Variants in SLCO5A1 observed in about 807,000 individuals in gnomAD.
SLCO5A1 encodes the protein solute carrier organic anion transporter family member 5A1, also known as organic anion transporter polypeptide-related protein 4.
In SLCO5A1, 39 loss-of-function variants were observed where a neutral mutation model predicts 65.1. That is an observed-to-expected ratio of 0.60 (90% CI 0.46 to 0.78). The LOEUF is 0.78. Ranked by LOEUF, SLCO5A1 falls within the 30% of genes least tolerant of loss-of-function variation. The pLI, the probability that SLCO5A1 is intolerant of heterozygous loss-of-function variation, is 0.00. For synonymous variants in SLCO5A1, 438 were observed against 415.7 expected (o/e 1.05, Z -0.65); for missense variants, 1,029 against 1,069.4 (o/e 0.96, Z 0.53).
chr8:69,695,918 G>A (rs1460151942), intron 6 of SLCO5A1, among the ~76,000 whole-genome samples: 7 of 152,138 alleles, frequency 4.6e-5, no homozygotes, highest in African/African-American at 1.4e-4. Flanking sequence ...GTATGATAAA[G>A]GACTTGAAGA....
At chr8:69,769,702 C>T (rs529338737) in intron 2 of SLCO5A1, among the ~76,000 whole-genome samples, 40 of 152,134 alleles carry the variant, frequency 2.6e-4, no homozygotes, top group African/African-American at 9.6e-4. Context: ...TATTTTTGAT[C>T]CAGGAACTGG....
chr8:69,795,258 A>G (rs1196097317), intron 2 of SLCO5A1, among the ~76,000 whole-genome samples: 1 of 152,202 alleles, frequency 6.6e-6, no homozygotes, highest in Non-Finnish European at 1.5e-5. Flanking sequence ...TCAAAAGTCC[A>G]AAGTTCAAAG....
intron 2 of SLCO5A1, among the ~76,000 whole-genome samples, chr8:69,796,898 T>A (rs528914996): frequency 1.3e-5 from 2 of 152,280 alleles, no homozygotes; most frequent in African/African-American, 4.8e-5. Context: ...TGCTAATGCA[T>A]AGCAAAAGTG....
chr8:69,785,259 A>G (rs1303890930), intron 2 of SLCO5A1, among the ~76,000 whole-genome samples: 10 of 152,344 alleles, frequency 6.6e-5, no homozygotes, highest in South Asian at 4.1e-4. Context: ...CAATGGCACA[A>G]GCAGACATTT....
chr8:69,804,946 CT>C (rs1482705230), intron 2 of SLCO5A1, among the ~76,000 whole-genome samples: 2 of 152,134 alleles, frequency 1.3e-5, no homozygotes, highest in Non-Finnish European at 2.9e-5. Flanking sequence ...AAAGGGTGAG[CT>C]CTAACAACTC....
At position 69,785,544 on chromosome 8, in the gene SLCO5A1, T is replaced by C. The variant is rs192382970; in HGVS notation, c.908-23669A>G. Among the ~76,000 whole-genome samples the C allele has an allele frequency of 9.9e-4, 151 of 152,324 alleles. 1 individual carries two copies. Among genetic ancestry groups the C allele is most frequent in the Non-Finnish European group, 1.5e-3 (105 of 68,032 alleles). ...CTTCCTGTGTGCTTTCTAAACACAA[T>C]AGTAAATCCTGCCAACAAGTTATCT... On this transcript the variant is annotated intron_variant, in intron 2 of 9. Transcript: ENST00000260126.
At chr8:69,743,022 G>A (rs531161078) in intron 4 of SLCO5A1, among the ~76,000 whole-genome samples, 12 of 151,886 alleles carry the variant, frequency 7.9e-5, no homozygotes, top group Non-Finnish European at 1.6e-4. Context: ...GGATGGTCTC[G>A]ATCTCCTGAC....
chr8:69,799,746 T>G (rs576465901), intron 2 of SLCO5A1, among the ~76,000 whole-genome samples: 2 of 152,166 alleles, frequency 1.3e-5, no homozygotes, highest in African/African-American at 4.8e-5. Context: ...AAGCCCCTTA[T>G]AAAACCATCA....
rs554083041 is a variant in SLCO5A1, at chr8:69,695,269, C to T, written c.1622+9762G>A. 2.2e-3 allele frequency among the ~76,000 whole-genome samples: 341 copies of T among 152,082 alleles called. 3 individuals carry two copies. The highest frequency in any genetic ancestry group is 7.5e-3 in the African/African-American group (313 of 41,490). ...CAGCACTTTGGGAGGCAGAGGCAGG[C>T]GGATCACGTAAGGTCAGGAGTTCAA... On this transcript the variant is annotated intron_variant, in intron 6 of 9. Transcript: ENST00000260126.
At position 69,774,517 on chromosome 8, in the gene SLCO5A1, C is replaced by A. The variant is rs115155722; in HGVS notation, c.908-12642G>T. ...CTTCTGATTCCAAGTCACACCCCAC[C>A]CCCAGCTCACTGCTCATTGCCCATG... On this transcript the variant is annotated intron_variant, in intron 2 of 9. Coordinates refer to ENST00000260126, the MANE Select transcript of SLCO5A1 (RefSeq NM_030958.3). Among the ~76,000 whole-genome samples the A allele has an allele frequency of 8.3e-3, 1,268 of 152,270 alleles. 13 individuals carry two copies. Among genetic ancestry groups the A allele is most frequent in the African/African-American group, 0.029 (1,212 of 41,534 alleles).
chr8:69,738,031 G>GTGCCT lies in SLCO5A1; in HGVS notation c.1423+4_1423+8dup, dbSNP rs1563692512. The GTGCCT allele has an allele frequency of 6.2e-7, 1 of 1,612,404 alleles. No homozygotes were observed. ...ATGTTTTCAAGCAGCCCTAGCGGCA[G>GTGCCT]TGCCTTACCAGTGTAGATGCTGGCA... is the stretch of plus-strand genomic sequence containing the variant. On this transcript the variant is annotated intron_variant, in intron 5 of 9. Transcript: ENST00000260126.
chr8:69,782,293 A>G (rs1272089125), intron 2 of SLCO5A1, among the ~76,000 whole-genome samples: 3 of 152,146 alleles, frequency 2.0e-5, no homozygotes, highest in Non-Finnish European at 4.4e-5. Context: ...AAAAAAATAG[A>G]TAATCCAGCC....
chr8:69,791,485 T>C (rs916361647), intron 2 of SLCO5A1, among the ~76,000 whole-genome samples: 2 of 152,228 alleles, frequency 1.3e-5, no homozygotes, highest in African/African-American at 4.8e-5. Context: ...GCTTTGTTTG[T>C]TTAGAAGAAA....
chr8:69,682,038 C>T lies in SLCO5A1; in HGVS notation c.1782+146G>A, dbSNP rs530974746. The T allele has an allele frequency of 6.0e-6, 5 of 829,418 alleles. No individual in the cohort carries two copies. The African/African-American group carries it at 9.1e-5, about 15-fold the overall frequency. 51.4% of individuals were successfully genotyped at this position (829,418 alleles called of 1,614,324 possible). A position where few individuals can be genotyped will look rare whatever the true frequency, so the allele number is the denominator to read the frequency against. On this transcript the variant is annotated intron_variant, in intron 7 of 9. Transcript: ENST00000260126. ...ATAGCAATGCATAATTTTCTTTCCT[C>T]TAGGTTTTCATCAGAGGTATTTTGT...
intron 2 of SLCO5A1, among the ~76,000 whole-genome samples, chr8:69,797,281 T>G (rs568967609): frequency 6.6e-6 from 1 of 152,226 alleles, no homozygotes; most frequent in African/African-American, 2.4e-5. Context: ...TGTCTTTACT[T>G]TAAACTCTTA....
At chr8:69,751,444 A>G (rs1817295770) in intron 4 of SLCO5A1, among the ~76,000 whole-genome samples, 1 of 152,186 alleles carries the variant, frequency 6.6e-6, no homozygotes, top group Non-Finnish European at 1.5e-5. Context: ...AGATTTTCTC[A>G]ATGTCTGTCA....
intron 6 of SLCO5A1, chr8:69,700,106 AG>A (rs1814663065): frequency 6.6e-6 from 1 of 152,296 alleles, no homozygotes; most frequent in African/African-American, 2.4e-5. Context: ...AAAAAAATAA[AG>A]ATGACAGCCA....
At chr8:69,763,510 G>C (rs1718834934) in intron 2 of SLCO5A1, among the ~76,000 whole-genome samples, 1 of 150,094 alleles carries the variant, frequency 6.7e-6, no homozygotes, top group South Asian at 2.1e-4. Flanking sequence ...AGCTATGCTG[G>C]GTGGGAGGCT....
intron 6 of SLCO5A1, among the ~76,000 whole-genome samples, chr8:69,693,311 G>A (rs1814357338): frequency 6.6e-6 from 1 of 152,158 alleles, no homozygotes; most frequent in African/African-American, 2.4e-5. Flanking sequence ...CAAAAAGACT[G>A]TGATTCCATT....
Sources: allele counts gnomAD v4.1 joint callset (sites outside exome capture counted in the v4.1 genomes callset), GRCh38; gene constraint gnomAD v4.1.1; transcripts MANE v1.5; gene names NCBI Gene and HGNC (gene_info 2026-07-23, HGNC 2026-07-21).